POLE: variants seen among roughly 807,000 people sequenced by gnomAD.
POLE encodes DNA polymerase epsilon, catalytic subunit.
POLE carries 188 observed loss-of-function variants against 279.2 expected under a neutral mutation model. The observed-to-expected ratio is 0.67, with a 90% CI of 0.60 to 0.76. The LOEUF is 0.76. POLE is among the 30% of genes least tolerant of loss of function. POLE has a pLI of 0.00. For synonymous variants in POLE, 1,214 were observed against 1,172.5 expected (o/e 1.04, Z -0.72); for missense variants, 2,703 against 3,016.7 (o/e 0.90, Z 2.44).
At chr12:132,635,759 A>G (rs1021322842) in intron 42 of POLE, 133 bp downstream of exon 42, 3 of 854,694 alleles carry the variant, frequency 3.5e-6, no homozygotes, top group Admixed American at 2.7e-5. Context: ...CCCCGTGTTC[A>G]TGAGGGCAGG....
chr12:132,646,331 T>G (rs975402565), intron 32 of POLE, among the ~76,000 whole-genome samples: 4 of 152,116 alleles, frequency 2.6e-5, no homozygotes, highest in African/African-American at 7.2e-5. Flanking sequence ...GGTGGGGGTG[T>G]GGGTGACACA....
chr12:132,643,487 A>C lies in POLE; in HGVS notation c.4364T>G (p.Leu1455Arg), dbSNP rs745952351. Residue 1455 changes from leucine (L) to arginine (R), a missense_variant, in exon 34 of 49, where the codon CTT (leucine) becomes CGT (arginine). By Grantham distance (102) the Leu-to-Arg change is moderately radical. Around this residue, in one of 5 missense-constraint regions of POLE, gnomAD observed 1,551 missense variants for 1,686.1 expected, o/e 0.92. Transcript: ENST00000320574. ...AAAGGTCTCTGCTTCCCAGCCTGAAAGGTGCCTCACCAGCTGTTTATTGAC... is the reference window on the plus strand; with the variant it reads ...AAAGGTCTCTGCTTCCCAGCCTGAACGGTGCCTCACCAGCTGTTTATTGAC... ...CVVNKQLVRHLSGWEAETFAL... is the reference protein window; with the variant it reads ...CVVNKQLVRHRSGWEAETFAL... 6.2e-7 allele frequency: 1 copy of C among 1,614,194 alleles called. No homozygotes were observed. The highest frequency in any genetic ancestry group is 1.1e-5 in the South Asian group (1 of 91,086).
chr12:132,672,856 G>C lies in POLE; in HGVS notation c.1474-17C>G, dbSNP rs1432263836. ...CCGCAGCACCTGCAAGAGAAACCAA[G>C]GCTTCCAGCCAAAAGCAACACCAAA... is the stretch of plus-strand genomic sequence containing the variant. On this transcript the variant is annotated splice_polypyrimidine_tract_variant and intron_variant, in intron 14 of 48. Transcript: ENST00000320574. 7.5e-6 allele frequency: 12 copies of C among 1,608,768 alleles called. No homozygotes were observed. The highest frequency in any genetic ancestry group is 1.0e-5 in the Non-Finnish European group (12 of 1,176,940).
intron 40 of POLE, 126 bp downstream of exon 40, chr12:132,638,999 C>G: frequency 1.2e-6 from 1 of 815,744 alleles, no homozygotes; most frequent in East Asian, 2.5e-5. Context: ...GATTGTTATG[C>G]TCCACAAACT....
At chr12:132,640,285 C>T (rs2042116126) in intron 39 of POLE, among the ~76,000 whole-genome samples, 1 of 152,212 alleles carries the variant, frequency 6.6e-6, no homozygotes, top group Non-Finnish European at 1.5e-5. Flanking sequence ...CACATCTTTG[C>T]ACTTGTTCCC....
At position 132,671,303 on chromosome 12, in the gene POLE, T is replaced by C. The variant is rs571416050; in HGVS notation, c.1794+912A>G. 1.1e-3 allele frequency among the ~76,000 whole-genome samples: 160 copies of C among 141,816 alleles called. 5 individuals carry two copies. Among genetic ancestry groups the C allele is most frequent in the African/African-American group, 4.0e-3 (151 of 37,674 alleles). The allele number at this position is 141,816 out of a possible 152,430, so 93.0% of individuals were successfully genotyped here. ...AAAAAAAAAAGTTTCTTGGCATCAA[T>C]GTGAAAACTGTTAAAAACTCTAAAC... On this transcript the variant is annotated intron_variant, in intron 16 of 48. Transcript: ENST00000320574.
At chr12:132,682,251 G>A (rs1047267579) in intron 1 of POLE, among the ~76,000 whole-genome samples, 6 of 150,256 alleles carry the variant, frequency 4.0e-5, no homozygotes, top group African/African-American at 7.4e-5. Context: ...CCGAGAACGC[G>A]CCACCACACT....
intron 34 of POLE, 27 bp downstream of exon 34, chr12:132,643,380 A>G (rs2042199973): frequency 6.2e-7 from 1 of 1,614,088 alleles, no homozygotes; most frequent in Admixed American, 1.7e-5. Flanking sequence ...AGGCAGGCAC[A>G]TGATGGGCGG....
At position 132,634,152 on chromosome 12, in the gene POLE, G is replaced by A; in HGVS notation, c.6004+34C>T. 8 of 1,562,514 alleles carry A rather than the reference G, an allele frequency of 5.1e-6. No homozygotes were observed. The highest frequency in any genetic ancestry group is 7.0e-6 in the Non-Finnish European group (8 of 1,144,696). On this transcript the variant is annotated intron_variant, in intron 43 of 48. Coordinates refer to ENST00000320574, the MANE Select transcript of POLE (RefSeq NM_006231.4). This position sits in a 1 kb window ranked among gnomAD's most constrained non-coding sequence, Gnocchi z 4.0. ...CATCTACTAACCATGAGTCCCTTCA[G>A]TGGGGGCTGCGCAGCCCTGGGCTCT... is the stretch of plus-strand genomic sequence containing the variant.
chr12:132,628,529 G>A (rs917109242), intron 45 of POLE, among the ~76,000 whole-genome samples: 2 of 151,940 alleles, frequency 1.3e-5, no homozygotes, highest in Non-Finnish European at 2.9e-5. Context: ...TGTAATCCCA[G>A]CTACTTGGGA....
chr12:132,667,714 C>T (rs573294572), intron 19 of POLE, 66 bp from the exon 20 acceptor site: 8 of 1,549,570 alleles, frequency 5.2e-6, no homozygotes, highest in Non-Finnish European at 5.3e-6. Flanking sequence ...AGCCAGGGCA[C>T]AGGGGTGCTG....
In POLE at chr12:132,687,286, G is replaced by A. The variant is rs1555231425; in HGVS notation, c.30C>T (p.Arg10=). MSLRSGGRR[R]ADPGADGEAS... ...CCTCGCCATCCGCGCCTGGGTCCGC[G>A]CGCCGCCGCCCGCCGCTCCTCAGAG... The change falls in exon 1 of 49, where the codon CGC becomes CGT. Residue 10 remains arginine (R), a synonymous_variant. Transcript: ENST00000320574. The A allele has an allele frequency of 1.0e-5, 15 of 1,502,644 alleles. No individual in the cohort carries two copies. Among genetic ancestry groups the A allele is most frequent in the Non-Finnish European group, 1.3e-5 (15 of 1,127,788 alleles). The allele number at this position is 1,502,644 out of a possible 1,614,324, so 93.1% of individuals were successfully genotyped here. A position where few individuals can be genotyped will look rare whatever the true frequency, so the allele number is the denominator to read the frequency against.
At chr12:132,682,302 A>AAT (rs1555230608) in intron 1 of POLE, among the ~76,000 whole-genome samples, 13 of 98,852 alleles carry the variant, frequency 1.3e-4, no homozygotes, top group African/African-American at 4.5e-4. Context: ...AAAAAAAAAA[A>AAT]AATAAATAAA....
chr12:132,647,584 T>C (rs1284236396), intron 32 of POLE, among the ~76,000 whole-genome samples: 1 of 152,040 alleles, frequency 6.6e-6, no homozygotes, highest in Non-Finnish European at 1.5e-5. Context: ...TCTGAAGATA[T>C]CATCCTGGAG....
intron 31 of POLE, 63 bp from the exon 32 acceptor site, chr12:132,649,135 C>T (rs2138601850): frequency 4.5e-6 from 7 of 1,571,086 alleles, no homozygotes; most frequent in South Asian, 1.2e-5. Context: ...GACGGGGCCA[C>T]CTTCCAGGTA....
At chr12:132,656,041 G>C (rs910073113) in intron 29 of POLE, among the ~76,000 whole-genome samples, 1 of 151,968 alleles carries the variant, frequency 6.6e-6, no homozygotes, top group Non-Finnish European at 1.5e-5. Flanking sequence ...AAATTAGCTA[G>C]GCATGGTGGT....
chr12:132,665,181 T>A, intron 21 of POLE, 121 bp downstream of exon 21: 1 of 1,061,558 alleles, frequency 9.4e-7, no homozygotes, highest in Non-Finnish European at 1.4e-6. Context: ...GCCTTCTCCC[T>A]CCAACATTCC....
chr12:132,672,612 A>AGGGAAGAAGCACACCATCCTAAACC lies in POLE; in HGVS notation c.1676_1686+14dup, dbSNP rs1234924536. 3 of 1,612,302 alleles carry AGGGAAGAAGCACACCATCCTAAACC rather than the reference A, an allele frequency of 1.9e-6. No individual in the cohort carries two copies. Among genetic ancestry groups the AGGGAAGAAGCACACCATCCTAAACC allele is most frequent in the Non-Finnish European group, 2.5e-6 (3 of 1,178,670 alleles). ...CAAGAGTGGGAAGAATCTGAATCCCAGGGAAGAAGCACACCATCCTAAACC... is the reference window on the plus strand; with the variant it reads ...CAAGAGTGGGAAGAATCTGAATCCCAGGGAAGAAGCACACCATCCTAAACCGGGAAGAAGCACACCATCCTAAACC... On this transcript the variant is annotated intron_variant, in intron 15 of 48. Transcript: ENST00000320574.
chr12:132,637,385 C>CCT (rs2042054800), intron 41 of POLE, among the ~76,000 whole-genome samples: 1 of 152,214 alleles, frequency 6.6e-6, no homozygotes, highest in Non-Finnish European at 1.5e-5. Flanking sequence ...GGGCTGCATT[C>CCT]ATCCCCAGGG....
Sources: gnomAD v4.1 joint callset for allele counts (sites outside exome capture counted in the v4.1 genomes callset) on GRCh38, gnomAD v4.1.1 for gene constraint, gnomAD v4.1.1 regional missense constraint, Gnocchi (gnomAD v3.1) non-coding constraint, MANE v1.5 for transcripts, NCBI Gene and HGNC (gene_info 2026-07-23, HGNC 2026-07-21) for gene names.